Variants in UGGT1 observed in about 807,000 individuals in gnomAD.
The protein encoded by UGGT1 is UDP-glucose glycoprotein glucosyltransferase 1, also known as UDP-glucose:glycoprotein glucosyltransferase 1.
A neutral mutation model predicts 203.9 loss-of-function variants in UGGT1; 107 were observed. That is an observed-to-expected ratio of 0.52 (90% confidence interval 0.45 to 0.62). The LOEUF is 0.62. Ranked by LOEUF, UGGT1 falls within the 20% of genes least tolerant of loss-of-function variation. The pLI, the probability that UGGT1 is intolerant of heterozygous loss-of-function variation, is 0.00. For missense variants in UGGT1, 1,673 were observed against 1,867.2 expected, an observed-to-expected ratio of 0.90 and a Z score of 1.92; for synonymous variants, 628 against 653.5, an observed-to-expected ratio of 0.96 and a Z score of 0.59.
At chr2:128,172,344 A>G (rs1048267301) in intron 28 of UGGT1, among the ~76,000 whole-genome samples, 1 of 149,826 alleles carries the variant, frequency 6.7e-6, no homozygotes, top group African/African-American at 2.4e-5. Flanking sequence ...ACAGGCCACC[A>G]CTGAGCACTC....
At chr2:128,103,119 G>A (rs1012216660) in intron 2 of UGGT1, 1 of 470,858 alleles carries the variant, frequency 2.1e-6, no homozygotes, top group Non-Finnish European at 4.4e-6. Flanking sequence ...GTGTTCACAA[G>A]TAATGGGAAA....
chr2:128,166,475 A>G (rs1690794949), intron 26 of UGGT1, among the ~76,000 whole-genome samples: 1 of 152,198 alleles, frequency 6.6e-6, no homozygotes, highest in Non-Finnish European at 1.5e-5. Flanking sequence ...ATTAAAACAC[A>G]ATTTCTGTTC....
At chr2:128,129,284 T>C (rs929604458) in intron 13 of UGGT1, 105 bp downstream of exon 13, 5 of 1,335,940 alleles carry the variant, frequency 3.7e-6, no homozygotes, top group African/African-American at 1.5e-5. Context: ...CCATCTCTTT[T>C]GTTGGTGTGA....
Position 128,113,120 on chromosome 2 carries a change from T to C in UGGT1, c.558T>C (p.Tyr186=), listed in dbSNP as rs1266142534. The change falls in exon 6 of 41, where the codon TAT becomes TAC. Residue 186 remains tyrosine (Y), a synonymous_variant. Transcript: ENST00000259253. ...KPLLFKGDHR[Y]PSSNPESPVV... is the part of the protein sequence containing the mutation. ...TATTGTTCAAAGGAGATCACAGATA[T>C]CCCTCGTCTAATCCTGAAAGCCCTG... 5.6e-6 allele frequency: 9 copies of C among 1,607,704 alleles called. No homozygotes were observed. The highest frequency in any genetic ancestry group is 1.1e-5 in the South Asian group (1 of 90,026).
chr2:128,118,672 T>C (rs1226564898), intron 8 of UGGT1, among the ~76,000 whole-genome samples: 2 of 152,202 alleles, frequency 1.3e-5, no homozygotes, highest in African/African-American at 4.8e-5. Context: ...GAGGCTGTTT[T>C]ACCTTTTGGA....
intron 2 of UGGT1, among the ~76,000 whole-genome samples, chr2:128,099,386 T>C (rs1469665317): frequency 6.6e-6 from 1 of 152,124 alleles, no homozygotes; most frequent in Non-Finnish European, 1.5e-5. Context: ...TCAAGTGATC[T>C]ACCTGCCTTG....
intron 9 of UGGT1, among the ~76,000 whole-genome samples, chr2:128,120,876 A>C (rs567765751): frequency 6.6e-6 from 1 of 152,148 alleles, no homozygotes. Flanking sequence ...AAAAGTCTTC[A>C]TGCTGTATTT....
intron 37 of UGGT1, 130 bp downstream of exon 37, chr2:128,182,420 C>A: frequency 8.2e-7 from 1 of 1,223,678 alleles, no homozygotes; most frequent in Non-Finnish European, 1.1e-6. Context: ...TACACAGTGG[C>A]TGGGTGCAGT....
At chr2:128,092,747 A>G (rs929720158) in intron 1 of UGGT1, among the ~76,000 whole-genome samples, 2 of 151,934 alleles carry the variant, frequency 1.3e-5, no homozygotes, top group African/African-American at 4.8e-5. Flanking sequence ...GTTAGAGAAT[A>G]GTGACATGAT....
intron 2 of UGGT1, among the ~76,000 whole-genome samples, chr2:128,103,450 T>A (rs896047354): frequency 1.3e-5 from 2 of 152,200 alleles, no homozygotes; most frequent in Admixed American, 1.3e-4. Flanking sequence ...GTTAAAAGAT[T>A]ACAACATGCT....
chr2:128,105,712 G>A (rs892847333), intron 3 of UGGT1, among the ~76,000 whole-genome samples: 4 of 151,798 alleles, frequency 2.6e-5, no homozygotes, highest in African/African-American at 7.3e-5. Context: ...ACGGGGTTTC[G>A]CCATGCTGGC....
chr2:128,130,757 T>TA (rs1306913033), intron 13 of UGGT1, among the ~76,000 whole-genome samples: 2 of 152,172 alleles, frequency 1.3e-5, no homozygotes, highest in Non-Finnish European at 2.9e-5. Flanking sequence ...GTCCCTTATT[T>TA]TATCCTTTTA....
chr2:128,111,772 G>A (rs1361464179), intron 5 of UGGT1, among the ~76,000 whole-genome samples: 1 of 151,878 alleles, frequency 6.6e-6, no homozygotes, highest in Non-Finnish European at 1.5e-5. Flanking sequence ...TGGGATTACA[G>A]GCGTGAGCCA....
At chr2:128,166,810 C>G (rs1690818216) in intron 26 of UGGT1, among the ~76,000 whole-genome samples, 1 of 152,158 alleles carries the variant, frequency 6.6e-6, no homozygotes, top group Admixed American at 6.6e-5. Context: ...CCTCGGAATC[C>G]CCAGGGAGGC....
chr2:128,095,924 C>T (rs1029285292), intron 1 of UGGT1, among the ~76,000 whole-genome samples: 9 of 152,156 alleles, frequency 5.9e-5, no homozygotes, highest in African/African-American at 2.2e-4. Context: ...GTGAGCCTTA[C>T]CAGAGCTAAC....
chr2:128,119,390 G>T lies in UGGT1; in HGVS notation c.873-966G>T, dbSNP rs188315781. ...GCGGATCACGAGGTCAGGAGTTCACGCCATTGCACTCCAGCCTGGGCAACA... is the reference window on the plus strand; with the variant it reads ...GCGGATCACGAGGTCAGGAGTTCACTCCATTGCACTCCAGCCTGGGCAACA... On this transcript the variant is annotated intron_variant, in intron 8 of 40. Coordinates refer to ENST00000259253, the MANE Select transcript of UGGT1 (RefSeq NM_020120.4). 2.0e-5 allele frequency among the ~76,000 whole-genome samples: 3 copies of T among 151,772 alleles called. No individual in the cohort carries two copies. The East Asian group carries it at 5.8e-4, about 29-fold the overall frequency.
intron 5 of UGGT1, among the ~76,000 whole-genome samples, chr2:128,111,549 A>G (rs2105364598): frequency 6.6e-6 from 1 of 152,164 alleles, no homozygotes; most frequent in Admixed American, 6.5e-5. Context: ...TCTGTCGCCC[A>G]GGCTGGAGTG....
intron 2 of UGGT1, among the ~76,000 whole-genome samples, chr2:128,103,557 ATAAG>A (rs1345650665): frequency 6.6e-6 from 1 of 152,146 alleles, no homozygotes; most frequent in Non-Finnish European, 1.5e-5. Flanking sequence ...CTTTCAGAAA[ATAAG>A]TAAGCAGAAC....
chr2:128,181,411 T>C (rs923065614), intron 36 of UGGT1, among the ~76,000 whole-genome samples: 6 of 152,228 alleles, frequency 3.9e-5, no homozygotes, highest in African/African-American at 9.6e-5. Flanking sequence ...ATAGGAGTTA[T>C]TGTCATGGGT....
Sources: allele counts gnomAD v4.1 joint callset (sites outside exome capture counted in the v4.1 genomes callset), GRCh38; gene constraint gnomAD v4.1.1; transcripts MANE v1.5; gene names NCBI Gene and HGNC (gene_info 2026-07-23, HGNC 2026-07-21).